Variants in SEPTIN10 observed in about 807,000 individuals in gnomAD.
The protein encoded by SEPTIN10 is septin 10, also known as septin-10.
SEPTIN10 carries 66 observed loss-of-function variants against 54.8 expected under a neutral mutation model. The observed-to-expected ratio is 1.21, with a 90% confidence interval of 0.99 to 1.48. The LOEUF (loss-of-function observed/expected upper bound fraction) is 1.48. SEPTIN10 is among the 40% of genes most tolerant of loss of function. SEPTIN10 has a pLI of 0.00. For missense variants in SEPTIN10, 620 were observed against 545.6 expected, an observed-to-expected ratio of 1.14 and a Z score of -1.36; for synonymous variants, 161 against 181.0, an observed-to-expected ratio of 0.89 and a Z score of 0.89.
Position 109,613,816 on chromosome 2 carries a change from G to T in SEPTIN10, c.12C>A (p.Ser4=), listed in dbSNP as rs1478903461. ...GACTCACCAGGTGCCGCGCCACCTC[G>T]GAGGAGGCCATGGTCGCGGGCAGGG... MAS[S]EVARHLLFQS... Residue 4 remains serine (S), a synonymous_variant, in exon 1 of 11, where the codon TCC becomes TCA. Transcript: ENST00000397712. 1.9e-5 allele frequency: 24 copies of T among 1,235,424 alleles called. No homozygotes were observed. The highest frequency in any genetic ancestry group is 2.3e-5 in the Non-Finnish European group (23 of 990,594). The allele number at this position is 1,235,424 out of a possible 1,614,324, so 76.5% of individuals were successfully genotyped here. A position where few individuals can be genotyped will look rare whatever the true frequency, so the allele number is the denominator to read the frequency against.
intron 4 of SEPTIN10, among the ~76,000 whole-genome samples, chr2:109,583,862 T>C (rs1351584404): frequency 6.6e-6 from 1 of 152,174 alleles, no homozygotes; most frequent in Non-Finnish European, 1.5e-5. Context: ...TGGAGGCCGT[T>C]ATCCTAAGCA....
At chr2:109,584,214 C>T (rs1031369944) in intron 4 of SEPTIN10, among the ~76,000 whole-genome samples, 5 of 152,270 alleles carry the variant, frequency 3.3e-5, no homozygotes, top group East Asian at 3.9e-4. Flanking sequence ...CAGTTGCTCA[C>T]GCCTGTAATC....
At chr2:109,568,800 C>A (rs1687672939) in intron 5 of SEPTIN10, among the ~76,000 whole-genome samples, 1 of 152,234 alleles carries the variant, frequency 6.6e-6, no homozygotes, top group Non-Finnish European at 1.5e-5. Flanking sequence ...TGACTCCATG[C>A]CTACCTGTGC....
At chr2:109,548,541 C>T (rs1030815103) in intron 9 of SEPTIN10, among the ~76,000 whole-genome samples, 6 of 151,882 alleles carry the variant, frequency 4.0e-5, no homozygotes, top group East Asian at 1.9e-4. Context: ...TTTGGGAGGC[C>T]GAGGTGGGTG....
chr2:109,585,679 A>T, intron 3 of SEPTIN10, 42 bp downstream of exon 3: 1 of 1,300,186 alleles, frequency 7.7e-7, no homozygotes, highest in Non-Finnish European at 1.1e-6. Flanking sequence ...GAGCACAAGG[A>T]ATATGAAGGA....
intron 9 of SEPTIN10, among the ~76,000 whole-genome samples, chr2:109,550,539 C>T (rs577646679): frequency 2.6e-5 from 4 of 152,170 alleles, no homozygotes; most frequent in African/African-American, 9.6e-5. Flanking sequence ...GTCTCAAACT[C>T]CTGATCTCAA....
At chr2:109,563,359 C>T (rs184623671) in intron 8 of SEPTIN10, among the ~76,000 whole-genome samples, 11 of 152,312 alleles carry the variant, frequency 7.2e-5, no homozygotes, top group Non-Finnish European at 1.2e-4. Context: ...ATTTGATGCA[C>T]TCCTCCCCCT....
At chr2:109,556,139 G>A (rs904257091) in intron 8 of SEPTIN10, among the ~76,000 whole-genome samples, 11 of 152,192 alleles carry the variant, frequency 7.2e-5, no homozygotes, top group Admixed American at 4.6e-4. Context: ...ATAACCAGCA[G>A]AGAAAGGACT....
At chr2:109,599,718 T>A (rs1160747807) in intron 1 of SEPTIN10, among the ~76,000 whole-genome samples, 1 of 152,204 alleles carries the variant, frequency 6.6e-6, no homozygotes, top group Non-Finnish European at 1.5e-5. Context: ...GGGGAAATTC[T>A]TGATAGCAGT....
At chr2:109,566,857 T>C (rs1687149675) in intron 6 of SEPTIN10, among the ~76,000 whole-genome samples, 1 of 152,170 alleles carries the variant, frequency 6.6e-6, no homozygotes, top group South Asian at 2.1e-4. Flanking sequence ...AAAAGTCTAA[T>C]GTAAAAATTA....
chr2:109,545,890 G>C, intron 10 of SEPTIN10, 160 bp downstream of exon 10: 1 of 1,436,788 alleles, frequency 7.0e-7, no homozygotes, highest in Non-Finnish European at 9.2e-7. Context: ...AAACAGCAGT[G>C]AACAAGAGGG....
intron 4 of SEPTIN10, among the ~76,000 whole-genome samples, chr2:109,583,489 C>G (rs1425288641): frequency 6.6e-6 from 1 of 152,194 alleles, no homozygotes; most frequent in African/African-American, 2.4e-5. Flanking sequence ...CAAAACACAA[C>G]AGATACTGGC....
At chr2:109,579,734 C>G (rs1204098453) in intron 4 of SEPTIN10, among the ~76,000 whole-genome samples, 3 of 151,944 alleles carry the variant, frequency 2.0e-5, no homozygotes, top group Non-Finnish European at 4.4e-5. Context: ...GGAAAAATAA[C>G]TCTAATCTTA....
intron 4 of SEPTIN10, among the ~76,000 whole-genome samples, chr2:109,580,806 T>A (rs993410065): frequency 6.6e-6 from 1 of 152,370 alleles, no homozygotes; most frequent in African/African-American, 2.4e-5. Flanking sequence ...CCCTCTTTTA[T>A]GAGCCCTACC....
At chr2:109,564,231 A>C in intron 8 of SEPTIN10, 135 bp downstream of exon 8, 1 of 742,626 alleles carries the variant, frequency 1.3e-6, no homozygotes, top group Non-Finnish European at 1.9e-6. Flanking sequence ...CACAATAATT[A>C]GTCATTACCA....
intron 5 of SEPTIN10, among the ~76,000 whole-genome samples, chr2:109,570,527 GT>G (rs34393876): frequency 0.085 from 12,571 of 147,190 alleles, 526 homozygotes; most frequent in Non-Finnish European, 0.093. Flanking sequence ...ATTGTATCAG[GT>G]TTTTTTTTTT....
At chr2:109,566,121 A>G (rs1686957853) in intron 6 of SEPTIN10, among the ~76,000 whole-genome samples, 1 of 151,790 alleles carries the variant, frequency 6.6e-6, no homozygotes, top group South Asian at 2.1e-4. Context: ...AAATTTATTT[A>G]TTTATTTTTA....
chr2:109,585,346 T>C (rs745714261), intron 3 of SEPTIN10, 25 bp from the exon 4 acceptor site: 9 of 1,542,080 alleles, frequency 5.8e-6, no homozygotes, highest in South Asian at 1.2e-5. Flanking sequence ...GGTACATCTT[T>C]ATGGTTGCAT....
chr2:109,611,258 T>C (rs950765802), intron 1 of SEPTIN10, among the ~76,000 whole-genome samples: 1 of 152,216 alleles, frequency 6.6e-6, no homozygotes. Flanking sequence ...AGAAAATCTT[T>C]GGGATCTAAG....
Sources: gnomAD v4.1 joint callset for allele counts (sites outside exome capture counted in the v4.1 genomes callset) on GRCh38, gnomAD v4.1.1 for gene constraint, MANE v1.5 for transcripts, NCBI Gene and HGNC (gene_info 2026-07-23, HGNC 2026-07-21) for gene names.